Variants in RNF111 observed in about 807,000 individuals in gnomAD.
The protein encoded by RNF111 is E3 ubiquitin-protein ligase Arkadia.
RNF111 carries 17 observed loss-of-function variants against 95.1 expected under a neutral mutation model. The ratio of observed to expected loss-of-function variants is 0.18; its 90% CI spans 0.12 to 0.27. RNF111 has a LOEUF of 0.27. Ranked by LOEUF, RNF111 falls within the 10% of genes least tolerant of loss-of-function variation. The pLI, the probability that RNF111 is intolerant of heterozygous loss-of-function variation, is 1.00. For missense variants in RNF111, 1,189 were observed against 1,210.4 expected (o/e 0.98, Z 0.26); for synonymous variants, 440 against 414.8 (o/e 1.06, Z -0.74).
At chr15:59,006,450 T>C (rs1280152374) in intron 1 of RNF111, among the ~76,000 whole-genome samples, 3 of 152,234 alleles carry the variant, frequency 2.0e-5, no homozygotes, top group Non-Finnish European at 4.4e-5. Flanking sequence ...ATGTAAGTAG[T>C]AGTATTATTA....
At chr15:59,084,384 C>T in intron 9 of RNF111, 130 bp downstream of exon 9, 1 of 910,332 alleles carries the variant, frequency 1.1e-6, no homozygotes, top group Non-Finnish European at 1.5e-6. Flanking sequence ...TTAACTGAGA[C>T]ACTGCCTCTG....
chr15:59,047,165 A>G (rs2041753330), intron 2 of RNF111, among the ~76,000 whole-genome samples: 1 of 152,180 alleles, frequency 6.6e-6, no homozygotes, highest in Admixed American at 6.5e-5. Flanking sequence ...AGCTCAGATT[A>G]AACATGGACA....
At chr15:59,004,292 G>T (rs1446240) in intron 1 of RNF111, 50,383 of 243,988 alleles carry the variant, frequency 0.21, 5,970 homozygotes, top group East Asian at 0.41. Flanking sequence ...ATCTCCAACA[G>T]AAGGAACTTG....
chr15:59,066,942 T>A lies in RNF111; in HGVS notation c.1545T>A (p.His515Gln), dbSNP rs75252387. The change falls in exon 6 of 14, where the codon CAT becomes CAA. Residue 515 changes from histidine (H) to glutamine (Q), a missense_variant. Physicochemically the swap from His to Gln is conservative, Grantham distance 24 (BLOSUM62 0). Around this residue, in one of 2 missense-constraint regions of RNF111, gnomAD observed 1,024 missense variants for 925.9 expected, o/e 1.11. Transcript: ENST00000348370. ...AGCATGGTCACCATTTTCAACATCA[T>A]CACCACCACCACCATACTCCCCACC... ...FQQHGHHFQHHHHHHHTPHPA... is the reference protein window; with the variant it reads ...FQQHGHHFQHQHHHHHTPHPA... 6.2e-7 allele frequency: 1 copy of A among 1,614,004 alleles called. No individual in the cohort carries two copies. Among genetic ancestry groups the A allele is most frequent in the Admixed American group, 1.7e-5 (1 of 59,996 alleles).
At chr15:59,048,080 T>C (rs1008219163) in intron 2 of RNF111, among the ~76,000 whole-genome samples, 36 of 152,220 alleles carry the variant, frequency 2.4e-4, no homozygotes, top group African/African-American at 7.5e-4. Flanking sequence ...AAATTTACCA[T>C]AGAACCTAGA....
At chr15:59,074,458 G>A (rs1390703670) in intron 6 of RNF111, among the ~76,000 whole-genome samples, 1 of 152,200 alleles carries the variant, frequency 6.6e-6, no homozygotes, top group East Asian at 1.9e-4. Flanking sequence ...AGCACTTGCT[G>A]CTTCTCCTTG....
At position 59,026,459 on chromosome 15, in the gene RNF111, AGTGT is replaced by A. The variant is rs560732717; in HGVS notation, c.-19-4342_-19-4339del. Among the ~76,000 whole-genome samples the A allele has an allele frequency of 2.4e-4, 36 of 152,346 alleles. No homozygotes were observed. In the South Asian group the frequency reaches 5.0e-3, roughly 21 times the overall value. ...AGTATTATGGTTTCAGTATTGAAAC[AGTGT>A]GTAACAGCAAGCCATTTATAATGTC... On this transcript the variant is annotated intron_variant, in intron 1 of 13. Transcript: ENST00000348370.
intron 2 of RNF111, among the ~76,000 whole-genome samples, chr15:59,036,960 A>ACT (rs2041208536): frequency 6.6e-6 from 1 of 150,710 alleles, no homozygotes; most frequent in Admixed American, 6.6e-5. Context: ...CCTCCCTAGT[A>ACT]GCTGGCACAG....
intron 10 of RNF111, among the ~76,000 whole-genome samples, chr15:59,088,688 T>C (rs1326886351): frequency 2.0e-5 from 3 of 152,320 alleles, no homozygotes; most frequent in African/African-American, 7.2e-5. Flanking sequence ...AACACTGAAT[T>C]AGCAAATATG....
intron 9 of RNF111, among the ~76,000 whole-genome samples, chr15:59,084,642 G>T (rs566988749): frequency 1.3e-5 from 2 of 151,792 alleles, no homozygotes; most frequent in African/African-American, 4.8e-5. Context: ...ATCTTTTGTC[G>T]CAGTTTTGAA....
chr15:59,003,573 A>T (rs920464603), intron 1 of RNF111, among the ~76,000 whole-genome samples: 9 of 148,152 alleles, frequency 6.1e-5, no homozygotes, highest in African/African-American at 1.8e-4. Flanking sequence ...TAATTTTTTT[A>T]AAATTTTTTG....
intron 1 of RNF111, among the ~76,000 whole-genome samples, chr15:59,007,728 A>G (rs776826324): frequency 1.3e-5 from 2 of 152,164 alleles, no homozygotes; most frequent in Non-Finnish European, 2.9e-5. Flanking sequence ...GTATATTACT[A>G]TAGTTTTAAT....
At chr15:58,994,341 T>G (rs2038951793) in intron 1 of RNF111, among the ~76,000 whole-genome samples, 1 of 151,800 alleles carries the variant, frequency 6.6e-6, no homozygotes, top group African/African-American at 2.4e-5. Context: ...GCCTGGCTAC[T>G]TACATTTTTA....
In RNF111 at chr15:59,030,809, C is replaced by T; in HGVS notation, c.-14C>T. On this transcript the variant is annotated 5_prime_UTR_variant, in exon 2 of 14. Coordinates refer to ENST00000348370, the MANE Select transcript of RNF111 (RefSeq NM_017610.8). Reference sequence around the variant, plus strand: ...TATCTAATTTTGTCTTCTAGGCTTTCCTTAAAGTTTCCCATGTCTCAATGG... The same window carrying T: ...TATCTAATTTTGTCTTCTAGGCTTTTCTTAAAGTTTCCCATGTCTCAATGG... 3 of 1,557,082 alleles carry T rather than the reference C, an allele frequency of 1.9e-6. No homozygotes were observed. Among genetic ancestry groups the T allele is most frequent in the Non-Finnish European group, 2.6e-6 (3 of 1,151,448 alleles).
At chr15:59,009,719 T>C (rs925455119) in intron 1 of RNF111, among the ~76,000 whole-genome samples, 10 of 151,918 alleles carry the variant, frequency 6.6e-5, no homozygotes, top group South Asian at 2.1e-4. Context: ...CTTTGAGAAG[T>C]TGAGGCAGGT....
chr15:59,072,522 C>T (rs1301176086), intron 6 of RNF111, among the ~76,000 whole-genome samples: 1 of 139,620 alleles, frequency 7.2e-6, no homozygotes, highest in Non-Finnish European at 1.5e-5. Context: ...GGCGTGATCT[C>T]GGCTCACTGA....
intron 6 of RNF111, among the ~76,000 whole-genome samples, chr15:59,069,230 C>G (rs905529393): frequency 2.0e-5 from 3 of 152,150 alleles, no homozygotes; most frequent in African/African-American, 7.2e-5. Flanking sequence ...TTGTCCAGAC[C>G]TGTCCTATCT....
At chr15:59,084,659 G>A (rs1222553310) in intron 9 of RNF111, among the ~76,000 whole-genome samples, 3 of 151,838 alleles carry the variant, frequency 2.0e-5, no homozygotes, top group African/African-American at 7.3e-5. Context: ...TGAAATAAAC[G>A]GTACGTTATT....
chr15:59,066,746 A>T lies in RNF111; in HGVS notation c.1367-18A>T, dbSNP rs970805978. ...ATTTCATGATTTGATTATTCTGTGC[A>T]TTTTTTTCTGTTTCAAGATGACTCA... On this transcript the variant is annotated intron_variant, in intron 5 of 13. Coordinates refer to ENST00000348370, the MANE Select transcript of RNF111 (RefSeq NM_017610.8). 1.6e-5 allele frequency: 25 copies of T among 1,598,114 alleles called. No individual in the cohort carries two copies. The highest frequency in any genetic ancestry group is 2.1e-5 in the Non-Finnish European group (24 of 1,168,192).
Sources: allele counts gnomAD v4.1 joint callset (sites outside exome capture counted in the v4.1 genomes callset), GRCh38; gene constraint gnomAD v4.1.1; regional missense constraint gnomAD v4.1.1; transcripts MANE v1.5; gene names NCBI Gene and HGNC (gene_info 2026-07-23, HGNC 2026-07-21).